CDC123: variants seen among roughly 807,000 people sequenced by gnomAD.
CDC123 encodes translation initiation factor eIF2 assembly protein.
CDC123 carries 37 observed loss-of-function variants against 54.4 expected under a neutral mutation model. The observed-to-expected ratio is 0.68, with a 90% CI of 0.52 to 0.89. The LOEUF is 0.89. Ranked by LOEUF, CDC123 falls within the 40% of genes least tolerant of loss-of-function variation. The pLI is 0.00. For synonymous variants in CDC123, 144 were observed against 136.8 expected (o/e 1.05, Z -0.37); for missense variants, 361 against 412.1 (o/e 0.88, Z 1.07).
intron 9 of CDC123, among the ~76,000 whole-genome samples, chr10:12,238,180 A>G (rs986648557): frequency 1.3e-5 from 2 of 152,224 alleles, no homozygotes; most frequent in Admixed American, 1.3e-4. Context: ...GAACCAGTCT[A>G]TAACGGGGAA....
chr10:12,225,309 T>C (rs916434879), intron 6 of CDC123, among the ~76,000 whole-genome samples: 2 of 152,102 alleles, frequency 1.3e-5, no homozygotes, highest in African/African-American at 4.8e-5. Flanking sequence ...GCAGGAGAAT[T>C]GCTTGAGCCC....
At chr10:12,246,116 T>A (rs1426338572) in intron 10 of CDC123, 33 bp from the exon 11 acceptor site, 1 of 1,603,042 alleles carries the variant, frequency 6.2e-7, no homozygotes, top group South Asian at 1.1e-5. Flanking sequence ...ACAGAAGATG[T>A]TTGTTTTTGT....
intron 3 of CDC123, 53 bp downstream of exon 3, chr10:12,210,077 C>T: frequency 6.4e-7 from 1 of 1,572,018 alleles, no homozygotes; most frequent in South Asian, 1.1e-5. Context: ...TTTAAATGAT[C>T]TCTGAGATGG....
chr10:12,212,292 T>G (rs778512068), intron 4 of CDC123, among the ~76,000 whole-genome samples: 7 of 152,066 alleles, frequency 4.6e-5, no homozygotes, highest in Non-Finnish European at 1.0e-4. Context: ...AATTGAAGCT[T>G]CTTGGAGATA....
chr10:12,243,899 A>G (rs2131768686), intron 10 of CDC123, among the ~76,000 whole-genome samples: 1 of 152,344 alleles, frequency 6.6e-6, no homozygotes, highest in East Asian at 1.9e-4. Context: ...TAAAGTTGAC[A>G]TCATTACCAA....
chr10:12,232,277 C>T (rs1835912010), intron 7 of CDC123, among the ~76,000 whole-genome samples: 1 of 151,980 alleles, frequency 6.6e-6, no homozygotes, highest in African/African-American at 2.4e-5. Flanking sequence ...CATCTTTGCT[C>T]CATAATTGCA....
intron 6 of CDC123, among the ~76,000 whole-genome samples, chr10:12,230,468 C>T (rs1835885343): frequency 6.6e-6 from 1 of 152,236 alleles, no homozygotes; most frequent in South Asian, 2.1e-4. Context: ...GGTGGGATTA[C>T]AGGCATGAAC....
At chr10:12,239,336 A>G (rs1216665948) in intron 10 of CDC123, among the ~76,000 whole-genome samples, 3 of 152,172 alleles carry the variant, frequency 2.0e-5, no homozygotes, top group Non-Finnish European at 4.4e-5. Context: ...CCTATGTCTC[A>G]TTTGTGTCAG....
At chr10:12,237,528 G>A (rs1401282163) in intron 9 of CDC123, 2 of 180,910 alleles carry the variant, frequency 1.1e-5, no homozygotes, top group African/African-American at 2.4e-5. Context: ...CCACCTCCCG[G>A]GTTCAGGTGA....
At chr10:12,213,269 G>C (rs1455980385) in intron 4 of CDC123, among the ~76,000 whole-genome samples, 1 of 152,166 alleles carries the variant, frequency 6.6e-6, no homozygotes, top group Non-Finnish European at 1.5e-5. Flanking sequence ...TATTAACCTT[G>C]TCAGTGATGG....
intron 5 of CDC123, among the ~76,000 whole-genome samples, chr10:12,216,925 C>T (rs17151433): frequency 6.6e-6 from 1 of 152,138 alleles, no homozygotes; most frequent in Non-Finnish European, 1.5e-5. Context: ...TGTAACTGCT[C>T]CAGCCGCCAA....
At chr10:12,197,945 G>A (rs17565905) in intron 1 of CDC123, among the ~76,000 whole-genome samples, 31,219 of 151,980 alleles carry the variant, frequency 0.21, 3,391 homozygotes, top group Non-Finnish European at 0.24. Flanking sequence ...TGTTAACTTC[G>A]GGAAAGCAGG....
At chr10:12,202,950 G>A (rs1835461801) in intron 2 of CDC123, among the ~76,000 whole-genome samples, 2 of 152,244 alleles carry the variant, frequency 1.3e-5, no homozygotes, top group Non-Finnish European at 1.5e-5. Context: ...GGGAAGTGGA[G>A]GTTGCAGTGA....
At chr10:12,227,905 A>G (rs1175692293) in intron 6 of CDC123, among the ~76,000 whole-genome samples, 1 of 152,176 alleles carries the variant, frequency 6.6e-6, no homozygotes, top group Non-Finnish European at 1.5e-5. Context: ...TTTTTAAAGG[A>G]TAAAAATAAT....
intron 10 of CDC123, chr10:12,244,693 A>G (rs1237778692): frequency 5.8e-5 from 7 of 120,128 alleles, no homozygotes; most frequent in East Asian, 2.3e-4. Flanking sequence ...GTCAAGCTCT[A>G]TTGTACAGAC....
chr10:12,215,942 A>C, intron 5 of CDC123, 107 bp downstream of exon 5: 1 of 621,264 alleles, frequency 1.6e-6, no homozygotes, highest in Non-Finnish European at 2.6e-6. Flanking sequence ...AATTCTAGGA[A>C]AAATACTGTG....
chr10:12,206,894 C>A lies in CDC123; in HGVS notation c.147-3073C>A, dbSNP rs190468929. 8.1e-5 allele frequency among the ~76,000 whole-genome samples: 12 copies of A among 149,058 alleles called. No individual in the cohort carries two copies. The East Asian group carries it at 1.8e-3, about 22-fold the overall frequency. ...GAATGGCCTGAACCCGGGAGGTAGA[C>A]CTTGCAATGAGCTGAAATCACGCCA... On this transcript the variant is annotated intron_variant, in intron 2 of 12. Transcript: ENST00000281141.
intron 10 of CDC123, 137 bp from the exon 11 acceptor site, chr10:12,246,012 G>A: frequency 3.4e-6 from 3 of 877,444 alleles, no homozygotes; most frequent in East Asian, 5.1e-5. Context: ...CGAGGCTGCA[G>A]TGAGCCGTGA....
At chr10:12,213,585 G>A (rs1156442398) in intron 4 of CDC123, among the ~76,000 whole-genome samples, 3 of 151,518 alleles carry the variant, frequency 2.0e-5, no homozygotes, top group African/African-American at 7.3e-5. Context: ...TTCTGTAGAA[G>A]ACGTTACTAG....
Sources: gnomAD v4.1 joint callset for allele counts (sites outside exome capture counted in the v4.1 genomes callset) on GRCh38, gnomAD v4.1.1 for gene constraint, MANE v1.5 for transcripts, NCBI Gene and HGNC (gene_info 2026-07-23, HGNC 2026-07-21) for gene names.